The following MARCHF10 variants were observed in gnomAD, a reference collection of about 807,000 sequenced individuals.
MARCHF10 encodes the protein membrane associated ring-CH-type finger 10, also known as probable E3 ubiquitin-protein ligase MARCHF10.
In MARCHF10, 64 loss-of-function variants were observed where a neutral mutation model predicts 76.2. The observed-to-expected ratio is 0.84, with a 90% CI of 0.69 to 1.03. The LOEUF (loss-of-function observed/expected upper bound fraction) is 1.03. MARCHF10 is among the 50% of genes least tolerant of loss of function. The probability of loss-of-function intolerance (pLI) is 0.00; values close to 1 mark genes in which losing one functional copy is unlikely to be tolerated. For synonymous variants in MARCHF10, 340 were observed against 357.5 expected (o/e 0.95, Z 0.55); for missense variants, 875 against 958.0 (o/e 0.91, Z 1.14).
At chr17:62,782,412 A>G (rs1300815775) in intron 3 of MARCHF10, among the ~76,000 whole-genome samples, 3 of 143,272 alleles carry the variant, frequency 2.1e-5, no homozygotes, top group Admixed American at 7.3e-5. Context: ...CAGTGGCACG[A>G]TCTCAGCTTA....
intron 3 of MARCHF10, among the ~76,000 whole-genome samples, 166 bp from the exon 4 acceptor site, chr17:62,760,172 C>A (rs2092160679): frequency 6.6e-6 from 1 of 152,026 alleles, no homozygotes; most frequent in African/African-American, 2.4e-5. Context: ...ATGGACTGGG[C>A]AGAGCAACTT....
intron 3 of MARCHF10, among the ~76,000 whole-genome samples, chr17:62,772,917 A>G (rs2092474291): frequency 6.6e-6 from 1 of 152,230 alleles, no homozygotes; most frequent in South Asian, 2.1e-4. Flanking sequence ...GTGCTAATAA[A>G]GAAGCATGTA....
rs1055112732 is a variant in MARCHF10 at position 62,708,856 on chromosome 17, A to G, written c.2328+2375T>C. Among the ~76,000 whole-genome samples, 3 of 152,164 alleles carry G rather than the reference A, an allele frequency of 2.0e-5. No individual in the cohort carries two copies. In the South Asian group the frequency reaches 6.2e-4, roughly 32 times the overall value. ...GCATAGAAGGCCTGGCTTTGCATTC[A>G]TATAGCTCACAACTTCACTGAGGAG... On this transcript the variant is annotated intron_variant, in intron 9 of 10. Transcript: ENST00000311269.
intron 3 of MARCHF10, among the ~76,000 whole-genome samples, chr17:62,771,244 G>A (rs1426212201): frequency 6.6e-6 from 1 of 152,098 alleles, no homozygotes; most frequent in African/African-American, 2.4e-5. Flanking sequence ...CATGGAATGG[G>A]GGATGGAGGT....
intron 10 of MARCHF10, chr17:62,705,277 C>A (rs1421485274): frequency 1.4e-6 from 2 of 1,416,964 alleles, no homozygotes; most frequent in South Asian, 1.5e-5. Context: ...TATCTCATGC[C>A]GGAAGATAAC....
At chr17:62,770,887 ACT>A (rs1256923835) in intron 3 of MARCHF10, among the ~76,000 whole-genome samples, 1 of 112,720 alleles carries the variant, frequency 8.9e-6, no homozygotes, top group African/African-American at 3.6e-5. Context: ...ACAGAGTCTC[ACT>A]CTGTCTCCCA....
intron 2 of MARCHF10, among the ~76,000 whole-genome samples, chr17:62,790,108 T>C (rs1010845653): frequency 1.3e-5 from 2 of 152,176 alleles, no homozygotes; most frequent in Admixed American, 6.5e-5. Flanking sequence ...GTACTAGGAC[T>C]GAACAAACCT....
Position 62,711,496 on chromosome 17 carries a change from A to G in MARCHF10, c.2215-152T>C. On this transcript the variant is annotated intron_variant, in intron 8 of 10. Coordinates refer to ENST00000311269, the MANE Select transcript of MARCHF10 (RefSeq NM_152598.4). The surrounding 1 kb of genome is among the most constrained non-coding windows in gnomAD (Gnocchi z 4.4). ...CCTGCTCTTGGGGACCAGAAGACAG[A>G]GCAGGAGGAGATCCAGGGTAGAGGC... is the stretch of plus-strand genomic sequence containing the variant. The G allele has an allele frequency of 1.5e-6, 1 of 683,416 alleles. No homozygotes were observed. Among genetic ancestry groups the G allele is most frequent in the South Asian group, 1.9e-5 (1 of 53,604 alleles). The allele number at this position is 683,416 out of a possible 1,614,324, so 42.3% of individuals were successfully genotyped here.
intron 3 of MARCHF10, among the ~76,000 whole-genome samples, chr17:62,787,887 AATT>A (rs1170358662): frequency 6.6e-6 from 1 of 152,200 alleles, no homozygotes; most frequent in Non-Finnish European, 1.5e-5. Flanking sequence ...GTAACTGCTT[AATT>A]ATTATTATCA....
At chr17:62,773,836 A>G (rs1379929030) in intron 3 of MARCHF10, among the ~76,000 whole-genome samples, 1 of 152,234 alleles carries the variant, frequency 6.6e-6, no homozygotes, top group Non-Finnish European at 1.5e-5. Flanking sequence ...GCACTGAGGA[A>G]TTCCAGAGGC....
At position 62,701,391 on chromosome 17, in the gene MARCHF10, C is replaced by T. The variant is rs962427945; in HGVS notation, c.*312G>A. On this transcript the variant is annotated 3_prime_UTR_variant, in exon 11 of 11. Transcript: ENST00000311269. ...GGTGGAGTGAGGCCTGGCAGGTGCC[C>T]TCAGCAGTGGGACCCCAGGCCACTG... The T allele has an allele frequency of 3.9e-5, 18 of 458,420 alleles. No homozygotes were observed. The highest frequency in any genetic ancestry group is 7.1e-5 in the Non-Finnish European group (18 of 253,514). The allele number at this position is 458,420 out of a possible 1,614,324, so 28.4% of individuals were successfully genotyped here. A position where few individuals can be genotyped will look rare whatever the true frequency, so the allele number is the denominator to read the frequency against.
At chr17:62,739,609 G>T (rs902421882) in intron 5 of MARCHF10, among the ~76,000 whole-genome samples, 1 of 152,000 alleles carries the variant, frequency 6.6e-6, no homozygotes, top group African/African-American at 2.4e-5. Context: ...TCCAACTCCC[G>T]ACCTCAAGTG....
At chr17:62,757,396 T>C (rs2092076958) in intron 4 of MARCHF10, among the ~76,000 whole-genome samples, 1 of 152,220 alleles carries the variant, frequency 6.6e-6, no homozygotes, top group Non-Finnish European at 1.5e-5. Context: ...CGTGTCCAGC[T>C]AATTCAGGTA....
Position 62,738,060 on chromosome 17 carries a change from TCACACACACACACACACA to T in MARCHF10, c.536-746_536-729del, listed in dbSNP as rs55902229. 1 of 127,308 alleles carries T rather than the reference TCACACACACACACACACA, an allele frequency of 7.9e-6. No homozygotes were observed. The highest frequency in any genetic ancestry group is 1.6e-5 in the Non-Finnish European group (1 of 62,190). 7.9% of individuals were successfully genotyped at this position (127,308 alleles called of 1,614,324 possible). ...AACTGTCTCTCTCTGTCTCTCTCTG[TCACACACACACACACACA>T]CACACACACACACACACACACAACT... is the stretch of plus-strand genomic sequence containing the variant. On this transcript the variant is annotated intron_variant, in intron 5 of 10. Coordinates refer to ENST00000311269, the MANE Select transcript of MARCHF10 (RefSeq NM_152598.4). This position sits in a 1 kb window ranked among gnomAD's most constrained non-coding sequence, Gnocchi z 4.0.
chr17:62,792,610 A>G (rs1490528289), intron 2 of MARCHF10, among the ~76,000 whole-genome samples: 6 of 133,546 alleles, frequency 4.5e-5, no homozygotes, highest in African/African-American at 1.8e-4. Flanking sequence ...CACCTCCATC[A>G]ACCACCAACG....
At chr17:62,777,026 G>A (rs1002905066) in intron 3 of MARCHF10, among the ~76,000 whole-genome samples, 1 of 152,150 alleles carries the variant, frequency 6.6e-6, no homozygotes, top group African/African-American at 2.4e-5. Flanking sequence ...CTGCAGATTG[G>A]CAGCCTTACC....
intron 3 of MARCHF10, among the ~76,000 whole-genome samples, chr17:62,761,692 G>T (rs1288514276): frequency 6.6e-6 from 1 of 152,142 alleles, no homozygotes; most frequent in African/African-American, 2.4e-5. Flanking sequence ...AAAGTTCTGG[G>T]ATTATAGGCG....
At chr17:62,803,785 G>A (rs1000756054) in intron 1 of MARCHF10, among the ~76,000 whole-genome samples, 1 of 152,080 alleles carries the variant, frequency 6.6e-6, no homozygotes, top group Non-Finnish European at 1.5e-5. Context: ...CAAAGTGCTG[G>A]GATTACAGGC....
chr17:62,735,813 T>TA (rs143734069), intron 6 of MARCHF10, 118 bp downstream of exon 6: 353 of 882,230 alleles, frequency 4.0e-4, no homozygotes, highest in Non-Finnish European at 5.2e-4. Context: ...AAGCAACCAC[T>TA]AAAATGTCAA....
Sources: allele counts gnomAD v4.1 joint callset (sites outside exome capture counted in the v4.1 genomes callset), GRCh38; gene constraint gnomAD v4.1.1; non-coding constraint Gnocchi (gnomAD v3.1); transcripts MANE v1.5; gene names NCBI Gene and HGNC (gene_info 2026-07-23, HGNC 2026-07-21).